The following EPM2A variants were observed in gnomAD, a reference collection of about 807,000 sequenced individuals.
The protein encoded by EPM2A is EPM2A glucan phosphatase, laforin.
In EPM2A, 21 loss-of-function variants were observed where a neutral mutation model predicts 26.5. The ratio of observed to expected loss-of-function variants is 0.79; its 90% CI spans 0.56 to 1.14. EPM2A has a LOEUF of 1.14. EPM2A is among the 50% of genes most tolerant of loss of function. The pLI is 0.00. For missense variants in EPM2A, 458 were observed against 440.8 expected (o/e 1.04, Z -0.35); for synonymous variants, 217 against 177.6 (o/e 1.22, Z -1.76).
In EPM2A at chr6:145,630,456, TA is replaced by T. The variant is rs983889875; in HGVS notation, c.719-2764del. ...GGTAAAACCTCATTTCTACTAAAATTAAAAAAAAAAAAGCCAGGCATGGTGG... is the reference window on the plus strand; with the variant it reads ...GGTAAAACCTCATTTCTACTAAAATTAAAAAAAAAAAGCCAGGCATGGTGG... On this transcript the variant is annotated intron_variant, in intron 3 of 3. Coordinates refer to ENST00000367519, the MANE Select transcript of EPM2A (RefSeq NM_005670.4). The T allele has an allele frequency of 5.9e-3, 834 of 142,148 alleles. 17 individuals carry two copies. In the East Asian group the frequency reaches 0.073, roughly 12 times the overall value. 8.8% of individuals were successfully genotyped at this position (142,148 alleles called of 1,614,324 possible).
intron 4 of EPM2A, among the ~76,000 whole-genome samples, chr6:145,494,434 A>G (rs1443209229): frequency 6.6e-6 from 1 of 151,926 alleles, no homozygotes; most frequent in Non-Finnish European, 1.5e-5. Context: ...TCAAAGAATA[A>G]GCTCCTGGCC....
At chr6:145,486,620 C>T (rs969968208) in intron 4 of EPM2A, among the ~76,000 whole-genome samples, 37 of 152,120 alleles carry the variant, frequency 2.4e-4, no homozygotes, top group African/African-American at 8.9e-4. Flanking sequence ...AACCCGCTAA[C>T]CACGGTTTTA....
At chr6:145,528,478 A>C (rs1338428197) in intron 2 of EPM2A, among the ~76,000 whole-genome samples, 1 of 152,162 alleles carries the variant, frequency 6.6e-6, no homozygotes, top group Non-Finnish European at 1.5e-5. Flanking sequence ...AGCCCTTCAG[A>C]ATTATGTTAA....
In EPM2A at chr6:145,730,414, C is replaced by T. The variant is rs577298498; in HGVS notation, c.301+4784G>A. On this transcript the variant is annotated intron_variant, in intron 1 of 3. Transcript: ENST00000367519. ...CTAAATGCACATGTGATGAACAGAG[C>T]TGCAGCAGCCATCTTGTTGCCTTAA... is the stretch of plus-strand genomic sequence containing the variant. Among the ~76,000 whole-genome samples the T allele has an allele frequency of 2.1e-4, 32 of 152,344 alleles. No homozygotes were observed. The South Asian group carries it at 6.0e-3, about 29-fold the overall frequency.
intron 2 of EPM2A, among the ~76,000 whole-genome samples, chr6:145,660,242 T>A (rs1430373946): frequency 6.6e-6 from 1 of 151,972 alleles, no homozygotes; most frequent in Non-Finnish European, 1.5e-5. Flanking sequence ...TGAAAAGAGA[T>A]CCCCATAGCT....
At chr6:145,558,148 C>T (rs183828338) in intron 2 of EPM2A, among the ~76,000 whole-genome samples, 16 of 152,204 alleles carry the variant, frequency 1.1e-4, no homozygotes, top group African/African-American at 3.9e-4. Context: ...ATATATACTA[C>T]ATTTTCTTTA....
downstream of EPM2A, among the ~76,000 whole-genome samples, chr6:145,621,320 A>G (rs1475967331): frequency 6.6e-6 from 1 of 152,174 alleles, no homozygotes; most frequent in Non-Finnish European, 1.5e-5. Flanking sequence ...TATATCCACC[A>G]CATTGTCTTT....
chr6:145,389,267 G>A (rs937034662), intron 4 of EPM2A, among the ~76,000 whole-genome samples: 5 of 150,428 alleles, frequency 3.3e-5, no homozygotes, highest in Non-Finnish European at 7.4e-5. Context: ...TCGGCTCACT[G>A]CAATCTCCGT....
chr6:145,644,122 A>ATAAT (rs1289560010), intron 2 of EPM2A, among the ~76,000 whole-genome samples: 1 of 152,186 alleles, frequency 6.6e-6, no homozygotes, highest in Non-Finnish European at 1.5e-5. Flanking sequence ...GGTGCAGTAC[A>ATAAT]GTTCATAATG....
chr6:145,467,289 T>C (rs1779411478), intron 4 of EPM2A, among the ~76,000 whole-genome samples: 1 of 152,174 alleles, frequency 6.6e-6, no homozygotes, highest in African/African-American at 2.4e-5. Flanking sequence ...AACTTAATTT[T>C]ATTTCCAAAC....
At chr6:145,522,908 C>T (rs2114775512) in intron 2 of EPM2A, among the ~76,000 whole-genome samples, 1 of 152,240 alleles carries the variant, frequency 6.6e-6, no homozygotes, top group African/African-American at 2.4e-5. Flanking sequence ...CAAGAATGCT[C>T]ATCCTATCCC....
At chr6:145,564,075 T>C (rs1780846295) in intron 2 of EPM2A, among the ~76,000 whole-genome samples, 1 of 152,156 alleles carries the variant, frequency 6.6e-6, no homozygotes, top group Non-Finnish European at 1.5e-5. Flanking sequence ...ATGTAAATGC[T>C]AGGTAAATAG....
intron 2 of EPM2A, among the ~76,000 whole-genome samples, chr6:145,643,472 G>A (rs1777233655): frequency 6.6e-6 from 1 of 151,958 alleles, no homozygotes; most frequent in African/African-American, 2.4e-5. Flanking sequence ...TCAAATTTAA[G>A]GGTTAAATTT....
chr6:145,641,146 A>C (rs1041304136), intron 2 of EPM2A: 1 of 152,162 alleles, frequency 6.6e-6, no homozygotes, highest in East Asian at 1.9e-4. Context: ...ATGCCATATC[A>C]TTAATTATAA....
At chr6:145,402,846 A>G (rs1390903608) in intron 4 of EPM2A, among the ~76,000 whole-genome samples, 1 of 152,190 alleles carries the variant, frequency 6.6e-6, no homozygotes, top group Non-Finnish European at 1.5e-5. Flanking sequence ...AATCTACTTT[A>G]TATCTCTACA....
chr6:145,504,431 A>G (rs372644178), intron 2 of EPM2A, among the ~76,000 whole-genome samples: 2 of 136,382 alleles, frequency 1.5e-5, no homozygotes, highest in African/African-American at 5.5e-5. Flanking sequence ...AAAAGTGGGC[A>G]AAGGACATGA....
intron 4 of EPM2A, among the ~76,000 whole-genome samples, chr6:145,455,032 T>C (rs1463466516): frequency 1.3e-5 from 2 of 151,956 alleles, no homozygotes; most frequent in African/African-American, 2.4e-5. Context: ...AACATAGATA[T>C]ATGTGTGTGA....
intron 4 of EPM2A, among the ~76,000 whole-genome samples, chr6:145,417,085 G>A (rs1225243858): frequency 2.0e-5 from 3 of 152,078 alleles, no homozygotes; most frequent in African/African-American, 7.3e-5. Context: ...AGACCTTGTT[G>A]GCGTTCCAGG....
At chr6:145,649,867 C>G (rs979886650) in intron 2 of EPM2A, among the ~76,000 whole-genome samples, 1 of 152,196 alleles carries the variant, frequency 6.6e-6, no homozygotes, top group East Asian at 1.9e-4. Flanking sequence ...AAAATGTTTG[C>G]TGATCCCTGC....
Sources: gnomAD v4.1 joint callset for allele counts (sites outside exome capture counted in the v4.1 genomes callset) on GRCh38, gnomAD v4.1.1 for gene constraint, MANE v1.5 for transcripts, NCBI Gene and HGNC (gene_info 2026-07-23, HGNC 2026-07-21) for gene names.